COL4A1: variants seen among roughly 807,000 people sequenced by gnomAD.
COL4A1 encodes the protein collagen alpha-1(IV) chain.
In COL4A1, 40 loss-of-function variants were observed where a neutral mutation model predicts 216.6. That is an observed-to-expected ratio of 0.18 (90% confidence interval 0.14 to 0.24). The LOEUF (loss-of-function observed/expected upper bound fraction) is 0.24, where lower values mean the gene tolerates loss of function less well. Among genes scored for constraint, COL4A1 ranks in the 10% least tolerant of loss-of-function variants. COL4A1 has a pLI of 1.00. For missense variants in COL4A1, 1,628 were observed against 2,196.8 expected (o/e 0.74, Z 5.18); for synonymous variants, 839 against 810.7 (o/e 1.03, Z -0.59).
rs967852447 is a variant in COL4A1 at position 110,150,140 on chromosome 13, C to T, written c.*223G>A. On this transcript the variant is annotated 3_prime_UTR_variant, in exon 52 of 52. Transcript: ENST00000375820. Reference sequence around the variant, plus strand: ...TTGATATTTTATTTCATCAAAAGTGCCATTTGGTATGCCACTATTGAAAGC... The same window carrying T: ...TTGATATTTTATTTCATCAAAAGTGTCATTTGGTATGCCACTATTGAAAGC... 8.5e-6 allele frequency: 5 copies of T among 591,396 alleles called. No homozygotes were observed. The highest frequency in any genetic ancestry group is 1.5e-5 in the Non-Finnish European group (5 of 328,688). The allele number at this position is 591,396 out of a possible 1,614,324, so 36.6% of individuals were successfully genotyped here.
chr13:110,179,045 G>T lies in COL4A1; in HGVS notation c.2345-9C>A. On this transcript the variant is annotated splice_polypyrimidine_tract_variant and intron_variant, in intron 30 of 51. Coordinates refer to ENST00000375820, the MANE Select transcript of COL4A1 (RefSeq NM_001845.6). ...AGGAGGTCCCGGTTCACCTGGAGAA[G>T]AAAAATTGAGAGTAAGCTGTACAGG... 6.2e-7 allele frequency: 1 copy of T among 1,605,194 alleles called. No homozygotes were observed. Among genetic ancestry groups the T allele is most frequent in the Non-Finnish European group, 8.5e-7 (1 of 1,175,554 alleles).
Position 110,169,657 on chromosome 13 carries a change from T to C in COL4A1, c.3848A>G (p.Lys1283Arg), listed in dbSNP as rs1041024569. 5 of 1,614,050 alleles carry C rather than the reference T, an allele frequency of 3.1e-6. No individual in the cohort carries two copies. In the African/African-American group the frequency reaches 5.3e-5, roughly 17 times the overall value. ...WPGAPGVPGP[K>R]GDPGFQGMPG... The stretch of plus-strand genomic sequence containing the variant: ...CATGCCCTGGAATCCAGGGTCTCCC[T>C]TGGGCCCTGGGACACCGGGTGCTCC... The change falls in exon 43 of 52, where the codon AAG (lysine) becomes AGG (arginine). Residue 1283 changes from lysine to arginine, a missense_variant. By Grantham distance (26) the Lys-to-Arg change is conservative (BLOSUM62 2). This residue lies in a region of COL4A1 where 345 missense variants were observed against 476.9 expected (regional missense o/e 0.72). Coordinates refer to ENST00000375820, the MANE Select transcript of COL4A1 (RefSeq NM_001845.6).
At chr13:110,203,757 G>C in intron 17 of COL4A1, 150 bp from the exon 18 acceptor site, 1 of 819,636 alleles carries the variant, frequency 1.2e-6, no homozygotes, top group South Asian at 1.6e-5. Context: ...ATTCTGTGAC[G>C]ATTACAACAA....
At chr13:110,253,051 ACG>A (rs1882236043) in intron 1 of COL4A1, among the ~76,000 whole-genome samples, 2 of 85,024 alleles carry the variant, frequency 2.4e-5, no homozygotes, top group African/African-American at 7.4e-5. Context: ...AACTATAAGT[ACG>A]TATGTATTAC....
chr13:110,167,275 G>C, intron 43 of COL4A1, 45 bp from the exon 44 acceptor site: 1 of 1,448,596 alleles, frequency 6.9e-7, no homozygotes, highest in Non-Finnish European at 9.7e-7. Context: ...GGATATGTAG[G>C]TTAAGTCTCT....
chr13:110,207,622 T>A lies in COL4A1; in HGVS notation c.694-133A>T. ...GTAATTATACTCTATTCTGTTCTAA[T>A]CATCCTTGCCTCTGCAGAAAATCAA... is the stretch of plus-strand genomic sequence containing the variant. On this transcript the variant is annotated intron_variant, in intron 12 of 51. Coordinates refer to ENST00000375820, the MANE Select transcript of COL4A1 (RefSeq NM_001845.6). The surrounding 1 kb of genome is among the most constrained non-coding windows in gnomAD (Gnocchi z 4.4). 1 of 710,268 alleles carries A rather than the reference T, an allele frequency of 1.4e-6. No homozygotes were observed. The highest frequency in any genetic ancestry group is 2.7e-5 in the East Asian group (1 of 37,228). The allele number at this position is 710,268 out of a possible 1,614,324, so 44.0% of individuals were successfully genotyped here. A position where few individuals can be genotyped will look rare whatever the true frequency, so the allele number is the denominator to read the frequency against.
rs1882462260 is a variant in COL4A1, at chr13:110,255,373, T to A, written c.85-12639A>T. On this transcript the variant is annotated intron_variant, in intron 1 of 51. Coordinates refer to ENST00000375820, the MANE Select transcript of COL4A1 (RefSeq NM_001845.6). ...ATGAGGAGACTTGCAAGGACGTCCT[T>A]GCCCTTGGGGATGGGAGCTAGAGCA... is the stretch of plus-strand genomic sequence containing the variant. 2.7e-5 allele frequency among the ~76,000 whole-genome samples: 4 copies of A among 150,238 alleles called. No individual in the cohort carries two copies. The South Asian group carries it at 8.6e-4, about 32-fold the overall frequency.
chr13:110,300,672 C>A (rs1884456185), intron 1 of COL4A1, among the ~76,000 whole-genome samples: 1 of 152,198 alleles, frequency 6.6e-6, no homozygotes, highest in Admixed American at 6.5e-5. Context: ...GCTTCCAGCT[C>A]ACGGCCAGTA....
chr13:110,276,978 C>T (rs928358492), intron 1 of COL4A1, among the ~76,000 whole-genome samples: 2 of 152,224 alleles, frequency 1.3e-5, no homozygotes, highest in Non-Finnish European at 2.9e-5. Context: ...AAAGCAGGGA[C>T]CCACTGGGAT....
intron 1 of COL4A1, among the ~76,000 whole-genome samples, chr13:110,300,134 A>G (rs1224105480): frequency 1.3e-5 from 2 of 152,234 alleles, no homozygotes; most frequent in East Asian, 3.8e-4. Flanking sequence ...AATATTGTTT[A>G]TTTAATAAAT....
intron 43 of COL4A1, among the ~76,000 whole-genome samples, chr13:110,169,096 G>A (rs1350267679): frequency 6.6e-6 from 1 of 151,338 alleles, no homozygotes; most frequent in African/African-American, 2.4e-5. Context: ...TGCACCCTGA[G>A]ATGTGCTCTT....
chr13:110,306,733 A>T (rs1027663639), intron 1 of COL4A1, among the ~76,000 whole-genome samples: 10 of 152,164 alleles, frequency 6.6e-5, no homozygotes, highest in Non-Finnish European at 8.8e-5. Context: ...ACTCTCCAGT[A>T]CCCATACCAT....
intron 1 of COL4A1, among the ~76,000 whole-genome samples, chr13:110,275,073 A>G (rs953137509): frequency 6.6e-6 from 1 of 152,256 alleles, no homozygotes; most frequent in African/African-American, 2.4e-5. Flanking sequence ...GCTGGACTTC[A>G]TTAACATCAA....
intron 28 of COL4A1, among the ~76,000 whole-genome samples, 161 bp from the exon 29 acceptor site, chr13:110,181,550 A>C (rs1380670583): frequency 3.9e-5 from 6 of 152,072 alleles, no homozygotes; most frequent in Non-Finnish European, 8.8e-5. Flanking sequence ...GCCAGGGGAG[A>C]CTGCCCGGCA....
intron 1 of COL4A1, among the ~76,000 whole-genome samples, chr13:110,290,819 C>T (rs1566448019): frequency 6.6e-6 from 1 of 152,224 alleles, no homozygotes; most frequent in Non-Finnish European, 1.5e-5. Flanking sequence ...TTTGGACCAG[C>T]CCACTTTTTA....
At chr13:110,199,537 T>G (rs1981317) in intron 20 of COL4A1, among the ~76,000 whole-genome samples, 41,062 of 151,980 alleles carry the variant, frequency 0.27, 5,800 homozygotes, top group Admixed American at 0.33. Context: ...GAGTGGTGAA[T>G]GAGGGGCAGC....
intron 11 of COL4A1, 114 bp from the exon 12 acceptor site, chr13:110,209,004 C>T: frequency 1.9e-6 from 2 of 1,076,292 alleles, no homozygotes; most frequent in South Asian, 2.5e-5. Flanking sequence ...ATAGCTTTGT[C>T]CCATAACTCT....
At position 110,166,331 on chromosome 13, in the gene COL4A1, G is replaced by A. The variant is rs372976243; in HGVS notation, c.3950-28C>T. The A allele has an allele frequency of 3.5e-6, 5 of 1,417,574 alleles. No individual in the cohort carries two copies. The African/African-American group carries it at 4.2e-5, about 12-fold the overall frequency. 87.8% of individuals were successfully genotyped at this position (1,417,574 alleles called of 1,614,324 possible). A position where few individuals can be genotyped will look rare whatever the true frequency, so the allele number is the denominator to read the frequency against. On this transcript the variant is annotated intron_variant, in intron 44 of 51. Transcript: ENST00000375820. ...AAAAGCAGAGGGAAAGCACTGTCTTGCACAGAATTCCCAATGATATACAAA... is the reference window on the plus strand; with the variant it reads ...AAAAGCAGAGGGAAAGCACTGTCTTACACAGAATTCCCAATGATATACAAA...
chr13:110,215,644 C>T (rs1223575270), intron 2 of COL4A1, among the ~76,000 whole-genome samples: 1 of 151,896 alleles, frequency 6.6e-6, no homozygotes, highest in Non-Finnish European at 1.5e-5. Flanking sequence ...GACTTCAGTG[C>T]AGCCTTACCA....
Sources: gnomAD v4.1 joint callset for allele counts (sites outside exome capture counted in the v4.1 genomes callset) on GRCh38, gnomAD v4.1.1 for gene constraint, gnomAD v4.1.1 regional missense constraint, Gnocchi (gnomAD v3.1) non-coding constraint, MANE v1.5 for transcripts, NCBI Gene and HGNC (gene_info 2026-07-23, HGNC 2026-07-21) for gene names.